Variants in ANKRD12 observed in about 807,000 individuals in gnomAD.
The protein encoded by ANKRD12 is ankyrin repeat domain-containing protein 12.
A neutral mutation model predicts 183.4 loss-of-function variants in ANKRD12; 85 were observed. The ratio of observed to expected loss-of-function variants is 0.46; its 90% CI spans 0.39 to 0.56. The LOEUF is 0.56. ANKRD12 is among the 20% of genes least tolerant of loss of function. The pLI, the probability that ANKRD12 is intolerant of heterozygous loss-of-function variation, is 0.00. For missense variants in ANKRD12, 2,405 were observed against 2,357.1 expected (o/e 1.02, Z -0.42); for synonymous variants, 914 against 800.2 (o/e 1.14, Z -2.40).
At chr18:9,150,612 A>G (rs993162728) in intron 1 of ANKRD12, among the ~76,000 whole-genome samples, 3 of 152,102 alleles carry the variant, frequency 2.0e-5, no homozygotes, top group African/African-American at 4.8e-5. Context: ...GTTGGTGGTT[A>G]AATTTTGTGA....
At position 9,223,246 on chromosome 18, in the gene ANKRD12, C is replaced by G. The variant is rs1456124570; in HGVS notation, c.943+1247C>G. 2.6e-5 allele frequency among the ~76,000 whole-genome samples: 4 copies of G among 151,100 alleles called. No individual in the cohort carries two copies. In the East Asian group the frequency reaches 7.7e-4, roughly 29 times the overall value. On this transcript the variant is annotated intron_variant, in intron 8 of 12. Coordinates refer to ENST00000262126, the MANE Select transcript of ANKRD12 (RefSeq NM_015208.5). ...ACCAGCCTGGCCAACATGGTGAAAC[C>G]CCACCTCTCTCTCTTTTTTTTTTTT...
rs139857271 is a variant in ANKRD12 at position 9,194,327 on chromosome 18, TTTTATTTATTTA to T, written c.88-1189_88-1178del. Reference sequence around the variant, plus strand: ...ATTTGAGAACTACTGATATAGATAATTTTATTTATTTATTTATTTATTTATTTATTTATTTAT... The same window carrying T: ...ATTTGAGAACTACTGATATAGATAATTTTATTTATTTATTTATTTATTTAT... On this transcript the variant is annotated intron_variant, in intron 2 of 12. Transcript: ENST00000262126. 6.2e-3 allele frequency among the ~76,000 whole-genome samples: 902 copies of T among 144,604 alleles called. 10 individuals are homozygous for T. The highest frequency in any genetic ancestry group is 0.02 in the African/African-American group (777 of 39,344). The allele number at this position is 144,604 out of a possible 152,430, so 94.9% of individuals were successfully genotyped here. A position where few individuals can be genotyped will look rare whatever the true frequency, so the allele number is the denominator to read the frequency against.
At chr18:9,217,101 TTTTAA>T (rs1422883680) in intron 7 of ANKRD12, among the ~76,000 whole-genome samples, 4 of 152,230 alleles carry the variant, frequency 2.6e-5, no homozygotes, top group East Asian at 1.9e-4. Context: ...CATAAAACCC[TTTTAA>T]TTTGACAGTT....
intron 1 of ANKRD12, among the ~76,000 whole-genome samples, chr18:9,169,920 T>A (rs2032513831): frequency 6.6e-6 from 1 of 152,212 alleles, no homozygotes; most frequent in South Asian, 2.1e-4. Flanking sequence ...AGTGACAAAA[T>A]CTCTCAGCAT....
At chr18:9,230,153 A>AATT (rs1252594235) in intron 8 of ANKRD12, among the ~76,000 whole-genome samples, 5 of 151,874 alleles carry the variant, frequency 3.3e-5, no homozygotes, top group African/African-American at 1.2e-4. Context: ...TTGTTAGGAG[A>AATT]CTTTTTATTA....
chr18:9,212,356 A>G (rs1377789740), intron 6 of ANKRD12, among the ~76,000 whole-genome samples: 1 of 151,852 alleles, frequency 6.6e-6, no homozygotes, highest in African/African-American at 2.4e-5. Flanking sequence ...CATTCAGTTC[A>G]TTTTTATTAT....
chr18:9,167,555 G>A (rs1335354502), intron 1 of ANKRD12, among the ~76,000 whole-genome samples: 1 of 152,126 alleles, frequency 6.6e-6, no homozygotes, highest in East Asian at 1.9e-4. Flanking sequence ...TGTGATTTTT[G>A]TACATTGATT....
rs531437246 is a variant in ANKRD12, at chr18:9,254,195, C to CT, written c.944-8dup. The CT allele has an allele frequency of 1.9e-4, 277 of 1,476,628 alleles. No homozygotes were observed. The East Asian group carries it at 2.7e-3, about 14-fold the overall frequency. 91.5% of individuals were successfully genotyped at this position (1,476,628 alleles called of 1,614,324 possible). ...TTTTGTTTGACCCACACCACATTTT[C>CT]TTTTTTTTATTCTAGATTCCGAAGA... On this transcript the variant is annotated splice_polypyrimidine_tract_variant and intron_variant, in intron 8 of 12. Coordinates refer to ENST00000262126, the MANE Select transcript of ANKRD12 (RefSeq NM_015208.5).
At chr18:9,239,424 T>C (rs541443815) in intron 8 of ANKRD12, 299 of 866,532 alleles carry the variant, frequency 3.5e-4, no homozygotes, top group Non-Finnish European at 4.4e-4. Flanking sequence ...CTTTTTGATT[T>C]TCACTGATCT....
In ANKRD12 at chr18:9,193,412, C is replaced by G. The variant is rs529859378; in HGVS notation, c.88-2139C>G. Among the ~76,000 whole-genome samples, 197 of 152,210 alleles carry G rather than the reference C, an allele frequency of 1.3e-3. 2 individuals are homozygous for G. Among genetic ancestry groups the G allele is most frequent in the African/African-American group, 4.2e-3 (173 of 41,546 alleles). Reference sequence around the variant, plus strand: ...CCACCCACCTCTGCCTCCCAAAGTGCTAGGATTACAGGCATGAGCCACCAT... The same window carrying G: ...CCACCCACCTCTGCCTCCCAAAGTGGTAGGATTACAGGCATGAGCCACCAT... On this transcript the variant is annotated intron_variant, in intron 2 of 12. Coordinates refer to ENST00000262126, the MANE Select transcript of ANKRD12 (RefSeq NM_015208.5).
At chr18:9,271,039 A>T (rs1254960361) in intron 10 of ANKRD12, among the ~76,000 whole-genome samples, 1 of 152,192 alleles carries the variant, frequency 6.6e-6, no homozygotes, top group Admixed American at 6.5e-5. Context: ...AACTGCAGTT[A>T]GGTGTCATAT....
intron 8 of ANKRD12, among the ~76,000 whole-genome samples, chr18:9,246,409 C>T (rs2037964915): frequency 6.6e-6 from 1 of 152,150 alleles, no homozygotes; most frequent in Non-Finnish European, 1.5e-5. Flanking sequence ...TTTCACTCTA[C>T]TTCTTCTTTG....
chr18:9,175,608 A>G (rs961058757), intron 1 of ANKRD12, among the ~76,000 whole-genome samples: 6 of 135,948 alleles, frequency 4.4e-5, no homozygotes, highest in Admixed American at 2.6e-4. Flanking sequence ...GCTCACTGCA[A>G]ATTCTGCCTT....
At chr18:9,266,159 C>T (rs1257041769) in intron 10 of ANKRD12, among the ~76,000 whole-genome samples, 1 of 152,150 alleles carries the variant, frequency 6.6e-6, no homozygotes, top group African/African-American at 2.4e-5. Context: ...CTGAAAGTGA[C>T]GGGGAGAATG....
At chr18:9,204,823 A>G (rs2035386855) in intron 4 of ANKRD12, among the ~76,000 whole-genome samples, 1 of 152,172 alleles carries the variant, frequency 6.6e-6, no homozygotes, top group Non-Finnish European at 1.5e-5. Flanking sequence ...CACGCAGAAA[A>G]CAATGTGAAA....
chr18:9,159,101 T>C (rs944453707), intron 1 of ANKRD12, among the ~76,000 whole-genome samples: 1 of 152,242 alleles, frequency 6.6e-6, no homozygotes, highest in African/African-American at 2.4e-5. Flanking sequence ...TGCCTTGGCC[T>C]AGGATCAGCC....
In ANKRD12 at chr18:9,255,325, G is replaced by A. The variant is rs2038539269; in HGVS notation, c.2058G>A (p.Gln686=). ...CTAAGGATAGTGCCAAAGAACTGCAGAGGAGTGTGGAATTTGATAGAGAAT... is the reference window on the plus strand; with the variant it reads ...CTAAGGATAGTGCCAAAGAACTGCAAAGGAGTGTGGAATTTGATAGAGAAT... The part of the protein sequence containing the change: ...YKTKDSAKEL[Q]RSVEFDREFW... The change falls in exon 9 of 13, where the codon CAG becomes CAA. Residue 686 remains glutamine (Q), a synonymous_variant. Transcript: ENST00000262126. 1 of 1,604,538 alleles carries A rather than the reference G, an allele frequency of 6.2e-7. No individual in the cohort carries two copies. The highest frequency in any genetic ancestry group is 1.1e-5 in the South Asian group (1 of 88,256).
intron 10 of ANKRD12, among the ~76,000 whole-genome samples, chr18:9,268,249 T>C (rs2039411178): frequency 6.6e-6 from 1 of 152,044 alleles, no homozygotes; most frequent in African/African-American, 2.4e-5. Flanking sequence ...AAAGAGGGAA[T>C]CCTCCCTAAC....
intron 11 of ANKRD12, among the ~76,000 whole-genome samples, chr18:9,276,765 G>A (rs1346504189): frequency 6.6e-6 from 1 of 152,012 alleles, no homozygotes; most frequent in Non-Finnish European, 1.5e-5. Context: ...TCAAATGAAA[G>A]TGTTCAGAGA....
Sources: allele counts gnomAD v4.1 joint callset (sites outside exome capture counted in the v4.1 genomes callset), GRCh38; gene constraint gnomAD v4.1.1; transcripts MANE v1.5; gene names NCBI Gene and HGNC (gene_info 2026-07-23, HGNC 2026-07-21).